Variants in TMEM161A observed in about 807,000 individuals in gnomAD.
The protein encoded by TMEM161A is adaptive response to oxidative stress protein 29.
Under a neutral mutation model 57.1 loss-of-function variants are expected in TMEM161A, and 46 were observed. The ratio of observed to expected loss-of-function variants is 0.81; its 90% CI spans 0.64 to 1.03. The LOEUF is 1.03. TMEM161A is among the 50% of genes least tolerant of loss of function. The probability of loss-of-function intolerance (pLI) is 0.00; values close to 1 mark genes in which losing one functional copy is unlikely to be tolerated. For synonymous variants in TMEM161A, 288 were observed against 279.0 expected (o/e 1.03, Z -0.32); for missense variants, 601 against 621.5 (o/e 0.97, Z 0.35).
At chr19:19,130,926 C>G (rs1884545898) in intron 5 of TMEM161A, among the ~76,000 whole-genome samples, 1 of 143,210 alleles carries the variant, frequency 7.0e-6, no homozygotes, top group Non-Finnish European at 1.5e-5. Flanking sequence ...TTGTCTCAAA[C>G]AACAACAACA....
chr19:19,133,220 A>C lies in TMEM161A; in HGVS notation c.108-10T>G. On this transcript the variant is annotated splice_polypyrimidine_tract_variant and intron_variant, in intron 2 of 11. Coordinates refer to ENST00000162044, the MANE Select transcript of TMEM161A (RefSeq NM_017814.3). ...CTTGTATCGGAACAAACTGAGAGCAAGGACGGGCAGTCAGGGAAGCTCAGG... is the reference window on the plus strand; with the variant it reads ...CTTGTATCGGAACAAACTGAGAGCACGGACGGGCAGTCAGGGAAGCTCAGG... 6.2e-7 allele frequency: 1 copy of C among 1,613,898 alleles called. No individual in the cohort carries two copies. The highest frequency in any genetic ancestry group is 8.5e-7 in the Non-Finnish European group (1 of 1,179,848).
Position 19,120,046 on chromosome 19 carries a change from G to A in TMEM161A, c.1324C>T (p.Leu442Phe), listed in dbSNP as rs368689548. ...ACGCCACGGAGGAAGAGGGGAGTAA[G>A]CAGGCCACCCAGAGCCCCGGCAATC... ...ARIAGALGGLLTPLFLRGVLA... is the reference protein window; with the variant it reads ...ARIAGALGGLFTPLFLRGVLA... The change falls in exon 12 of 12, where the codon CTT (leucine) becomes TTT (phenylalanine). Residue 442 changes from leucine (L) to phenylalanine (F), a missense_variant. Coordinates refer to ENST00000162044, the MANE Select transcript of TMEM161A (RefSeq NM_017814.3). 3.9e-5 allele frequency: 63 copies of A among 1,601,674 alleles called. No homozygotes were observed. Among genetic ancestry groups the A allele is most frequent in the Non-Finnish European group, 5.1e-5 (60 of 1,174,936 alleles).
At chr19:19,137,149 T>C (rs1201375663) in intron 1 of TMEM161A, among the ~76,000 whole-genome samples, 1 of 152,034 alleles carries the variant, frequency 6.6e-6, no homozygotes, top group Non-Finnish European at 1.5e-5. Flanking sequence ...CCCTTCCAGG[T>C]GGTTCAGGCC....
At position 19,121,827 on chromosome 19, in the gene TMEM161A, C is replaced by T. The variant is rs751710369; in HGVS notation, c.596-8G>A. ...GGGTCATGCTGGCCAGACCTGGGGA[C>T]GATAAGAAGAGGACCGAGTAGAGTG... On this transcript the variant is annotated splice_region_variant and splice_polypyrimidine_tract_variant and intron_variant, in intron 6 of 11. Transcript: ENST00000162044. This position sits in a 1 kb window ranked among gnomAD's most constrained non-coding sequence, Gnocchi z 5.8. 1.1e-5 allele frequency: 17 copies of T among 1,613,450 alleles called. No individual in the cohort carries two copies. The highest frequency in any genetic ancestry group is 6.7e-5 in the East Asian group (3 of 44,886).
At chr19:19,134,725 G>A (rs895437426) in intron 2 of TMEM161A, 59 bp downstream of exon 2, 15 of 1,279,262 alleles carry the variant, frequency 1.2e-5, no homozygotes, top group Non-Finnish European at 1.4e-5. Context: ...GGCGGGGCGT[G>A]GGGAGCCAGA....
At chr19:19,126,773 G>A (rs748245421) in intron 6 of TMEM161A, among the ~76,000 whole-genome samples, 1 of 152,194 alleles carries the variant, frequency 6.6e-6, no homozygotes, top group Non-Finnish European at 1.5e-5. Context: ...GGGAGGCTGA[G>A]GCAAGAGAAT....
chr19:19,130,371 C>G lies in TMEM161A; in HGVS notation c.444-64G>C. 6 of 1,589,208 alleles carry G rather than the reference C, an allele frequency of 3.8e-6. No homozygotes were observed. In the East Asian group the frequency reaches 1.1e-4, roughly 30 times the overall value. On this transcript the variant is annotated intron_variant, in intron 5 of 11. Coordinates refer to ENST00000162044, the MANE Select transcript of TMEM161A (RefSeq NM_017814.3). ...CCCACTCTGCCCATTTCACCACACT[C>G]CGTCTGGGACCCCAGAACTCCAGGG...
intron 11 of TMEM161A, 64 bp downstream of exon 11, chr19:19,120,701 C>T: frequency 6.1e-6 from 9 of 1,485,870 alleles, no homozygotes; most frequent in Non-Finnish European, 8.4e-6. Flanking sequence ...CGCCAGAGTC[C>T]ACCTCCACTC....
Position 19,132,524 on chromosome 19 carries a change from T to C in TMEM161A, c.287-16A>G, listed in dbSNP as rs766191438. 12 of 1,611,108 alleles carry C rather than the reference T, an allele frequency of 7.4e-6. No homozygotes were observed. The highest frequency in any genetic ancestry group is 1.7e-4 in the Middle Eastern group (1 of 6,030). On this transcript the variant is annotated splice_polypyrimidine_tract_variant and intron_variant, in intron 4 of 11. Coordinates refer to ENST00000162044, the MANE Select transcript of TMEM161A (RefSeq NM_017814.3). This position sits in a 1 kb window ranked among gnomAD's most constrained non-coding sequence, Gnocchi z 4.3. ...AAGCGCAGGACTGTGGGGGGCACTCTGCTCAGCCCTGGGGCCCAGCTCGCT... is the reference window on the plus strand; with the variant it reads ...AAGCGCAGGACTGTGGGGGGCACTCCGCTCAGCCCTGGGGCCCAGCTCGCT...
chr19:19,125,514 CTTTTTTT>C (rs1187202482), intron 6 of TMEM161A, among the ~76,000 whole-genome samples: 2 of 115,992 alleles, frequency 1.7e-5, no homozygotes, highest in Non-Finnish European at 3.6e-5. Flanking sequence ...CCTTGCCCAG[CTTTTTTT>C]TTTTTTTTTT....
At chr19:19,129,390 T>C in intron 6 of TMEM161A, among the ~76,000 whole-genome samples, 1 of 152,086 alleles carries the variant, frequency 6.6e-6, no homozygotes, top group East Asian at 1.9e-4. Flanking sequence ...GTCTTTCTCC[T>C]AAGACCGGGG....
At chr19:19,133,333 G>C (rs2059968552) in intron 2 of TMEM161A, 123 bp from the exon 3 acceptor site, 1 of 811,510 alleles carries the variant, frequency 1.2e-6, no homozygotes, top group Non-Finnish European at 2.0e-6. Context: ...CTGGGAGGTA[G>C]GTGAGGGTAC....
rs919053617 is a variant in TMEM161A at position 19,132,985 on chromosome 19, G to C, written c.188+145C>G. On this transcript the variant is annotated intron_variant, in intron 3 of 11. Transcript: ENST00000162044. The surrounding 1 kb of genome is among the most constrained non-coding windows in gnomAD (Gnocchi z 4.3). The stretch of plus-strand genomic sequence containing the variant: ...CCATCTCCTTGGACTAGGGTCTCCC[G>C]GTTCACCTGTGCCCAGATCAGCGCC... 1 of 774,752 alleles carries C rather than the reference G, an allele frequency of 1.3e-6. No homozygotes were observed. The highest frequency in any genetic ancestry group is 2.1e-6 in the Non-Finnish European group (1 of 487,420). The allele number at this position is 774,752 out of a possible 1,614,324, so 48.0% of individuals were successfully genotyped here. A position where few individuals can be genotyped will look rare whatever the true frequency, so the allele number is the denominator to read the frequency against.
chr19:19,123,847 G>A (rs1214259076), intron 6 of TMEM161A, among the ~76,000 whole-genome samples: 1 of 152,124 alleles, frequency 6.6e-6, no homozygotes, highest in Non-Finnish European at 1.5e-5. Context: ...AGATCACAAA[G>A]TCAGGAGTTC....
intron 5 of TMEM161A, among the ~76,000 whole-genome samples, chr19:19,131,911 T>A (rs1050063934): frequency 6.6e-6 from 1 of 152,210 alleles, no homozygotes; most frequent in Admixed American, 6.5e-5. Flanking sequence ...TCCGCCTGCC[T>A]CAGCTTCCCA....
At position 19,121,426 on chromosome 19, in the gene TMEM161A, G is replaced by A; in HGVS notation, c.801-5C>T. On this transcript the variant is annotated splice_polypyrimidine_tract_variant and splice_region_variant and intron_variant, in intron 8 of 11. Transcript: ENST00000162044. The surrounding 1 kb of genome is among the most constrained non-coding windows in gnomAD (Gnocchi z 5.8). ...AAGCTGGTGTGCAGGAGGAACCTGGGGGGTGAGGGCAGGAGGGAGTGAGGC... is the reference window on the plus strand; with the variant it reads ...AAGCTGGTGTGCAGGAGGAACCTGGAGGGTGAGGGCAGGAGGGAGTGAGGC... 7 of 1,613,892 alleles carry A rather than the reference G, an allele frequency of 4.3e-6. No homozygotes were observed. The highest frequency in any genetic ancestry group is 5.1e-6 in the Non-Finnish European group (6 of 1,179,824).
chr19:19,119,611 A>G lies in TMEM161A; in HGVS notation c.*319T>C, dbSNP rs1599700830. The G allele has an allele frequency of 2.7e-6, 1 of 364,694 alleles. No homozygotes were observed. Among genetic ancestry groups the G allele is most frequent in the Non-Finnish European group, 5.2e-6 (1 of 191,398 alleles). The allele number at this position is 364,694 out of a possible 1,614,324, so 22.6% of individuals were successfully genotyped here. A position where few individuals can be genotyped will look rare whatever the true frequency, so the allele number is the denominator to read the frequency against. On this transcript the variant is annotated 3_prime_UTR_variant, in exon 12 of 12. Transcript: ENST00000162044. Reference sequence around the variant, plus strand: ...CAAGCCCGAGTCCCAAACCACTCAGACCCTGTTTGTAAAAATCGGCATGCT... The same window carrying G: ...CAAGCCCGAGTCCCAAACCACTCAGGCCCTGTTTGTAAAAATCGGCATGCT...
chr19:19,126,299 G>A (rs137982393), intron 6 of TMEM161A, among the ~76,000 whole-genome samples: 8 of 152,216 alleles, frequency 5.3e-5, no homozygotes, highest in East Asian at 1.9e-4. Context: ...TACATTTGAC[G>A]ACTCAGCAAA....
rs774442685 is a variant in TMEM161A at position 19,120,082 on chromosome 19, T to C, written c.1288A>G (p.Thr430Ala). ...IGSGEDEVQQ[T>A]AARIAGALGG... ...AGAGCCCCGGCAATCCGCGCTGCAG[T>C]CTGCTGGACTTCGTCCTCCCCAGAG... is the stretch of plus-strand genomic sequence containing the variant. The change falls in exon 12 of 12, where the codon ACT (threonine) becomes GCT (alanine). Residue 430 changes from threonine (T) to alanine (A), a missense_variant. By Grantham distance (58) the Thr-to-Ala change is moderately conservative. Coordinates refer to ENST00000162044, the MANE Select transcript of TMEM161A (RefSeq NM_017814.3). 41 of 1,587,996 alleles carry C rather than the reference T, an allele frequency of 2.6e-5. 2 individuals carry two copies. In the Middle Eastern group the frequency reaches 8.8e-4, roughly 34 times the overall value.
Sources: gnomAD v4.1 joint callset for allele counts (sites outside exome capture counted in the v4.1 genomes callset) on GRCh38, gnomAD v4.1.1 for gene constraint, Gnocchi (gnomAD v3.1) non-coding constraint, MANE v1.5 for transcripts, NCBI Gene and HGNC (gene_info 2026-07-23, HGNC 2026-07-21) for gene names.